MERTK: variants seen among roughly 807,000 people sequenced by gnomAD.
The protein encoded by MERTK is tyrosine-protein kinase Mer.
MERTK carries 69 observed loss-of-function variants against 99.3 expected under a neutral mutation model. That is an observed-to-expected ratio of 0.70 (90% CI 0.57 to 0.85). The LOEUF is 0.85. Ranked by LOEUF, MERTK falls within the 40% of genes least tolerant of loss-of-function variation. The pLI is 0.00. For synonymous variants in MERTK, 426 were observed against 467.6 expected, an observed-to-expected ratio of 0.91 and a Z score of 1.15; for missense variants, 1,125 against 1,249.4, an observed-to-expected ratio of 0.90 and a Z score of 1.50.
chr2:111,990,724 C>A (rs1243745713), intron 8 of MERTK, among the ~76,000 whole-genome samples: 1 of 152,152 alleles, frequency 6.6e-6, no homozygotes, highest in Non-Finnish European at 1.5e-5. Context: ...CATCCTAAAT[C>A]TCAACTTATT....
intron 4 of MERTK, among the ~76,000 whole-genome samples, chr2:111,948,808 T>C (rs1398447068): frequency 6.6e-6 from 1 of 152,092 alleles, no homozygotes; most frequent in Non-Finnish European, 1.5e-5. Flanking sequence ...CACTCCCAAC[T>C]ACCCTCCTGG....
intron 8 of MERTK, among the ~76,000 whole-genome samples, chr2:111,991,754 A>G (rs1011197463): frequency 4.0e-5 from 6 of 151,832 alleles, no homozygotes; most frequent in African/African-American, 1.5e-4. Context: ...TACACACACA[A>G]TATATATATA....
At chr2:112,014,021 A>AT (rs1279471792) in intron 15 of MERTK, among the ~76,000 whole-genome samples, 1,372 of 126,836 alleles carry the variant, frequency 0.011, 9 homozygotes, top group Non-Finnish European at 0.013. Flanking sequence ...TGCCTGGCTT[A>AT]TTTTTTTTTT....
At chr2:112,018,446 C>T (rs1309355955) in intron 15 of MERTK, among the ~76,000 whole-genome samples, 1 of 152,150 alleles carries the variant, frequency 6.6e-6, no homozygotes, top group African/African-American at 2.4e-5. Context: ...AAGATTAAGA[C>T]ATTTCATTTA....
chr2:111,900,648 G>T (rs1003605149), intron 1 of MERTK, among the ~76,000 whole-genome samples: 10 of 151,836 alleles, frequency 6.6e-5, no homozygotes, highest in Non-Finnish European at 1.3e-4. Context: ...TCATAAAAAG[G>T]CCTTTTAAAA....
intron 1 of MERTK, among the ~76,000 whole-genome samples, chr2:111,906,173 G>A (rs1447655040): frequency 3.3e-5 from 5 of 152,138 alleles, no homozygotes; most frequent in African/African-American, 7.2e-5. Flanking sequence ...TCCATCCTCC[G>A]GATTTAGATC....
Position 111,975,410 on chromosome 2 carries a change from G to T in MERTK, c.1082G>T (p.Cys361Phe), listed in dbSNP as rs1676226910. The T allele has an allele frequency of 6.2e-7, 1 of 1,614,066 alleles. No individual in the cohort carries two copies. The highest frequency in any genetic ancestry group is 8.5e-7 in the Non-Finnish European group (1 of 1,180,026). The change falls in exon 7 of 19, where the codon TGC becomes TTC. Residue 361 changes from cysteine (C) to phenylalanine (F), a missense_variant. Physicochemically the swap from Cys to Phe is radical, Grantham distance 205. Coordinates refer to ENST00000295408, the MANE Select transcript of MERTK (RefSeq NM_006343.3). ...ALANYSIGVS[C>F]MNEIGWSAVS... ...GCTAATTACAGCATTGGTGTTTCCT[G>T]CATGAATGAAATAGGCTGGTCTGCA...
chr2:111,960,480 C>CACAA (rs1685228224), intron 4 of MERTK, among the ~76,000 whole-genome samples: 1 of 75,948 alleles, frequency 1.3e-5, no homozygotes, highest in Admixed American at 1.5e-4. Flanking sequence ...GTCTCAGTCT[C>CACAA]AAAAAAAAAA....
chr2:111,949,450 T>A (rs1685016956), intron 4 of MERTK, among the ~76,000 whole-genome samples: 1 of 152,204 alleles, frequency 6.6e-6, no homozygotes, highest in Non-Finnish European at 1.5e-5. Flanking sequence ...AGGAGGAATG[T>A]TATGGTTTTC....
At chr2:111,974,769 CAAAAAAAAA>C (rs35594851) in intron 6 of MERTK, among the ~76,000 whole-genome samples, 6 of 53,376 alleles carry the variant, frequency 1.1e-4, no homozygotes, top group South Asian at 1.1e-3. Flanking sequence ...AGGTCCATCT[CAAAAAAAAA>C]AAAAAAAAAA....
rs1491353800 is a variant in MERTK, at chr2:111,964,369, G to GTT, written c.758-821_758-820insTT. On this transcript the variant is annotated intron_variant, in intron 4 of 18. Transcript: ENST00000295408. ...CTTTGACATGCCCCATCATTGTCTCGTGTGTGTGTGTGTGTGTGTGTGTGT... is the reference window on the plus strand; with the variant it reads ...CTTTGACATGCCCCATCATTGTCTCGTTTGTGTGTGTGTGTGTGTGTGTGTGT... 3.8e-3 allele frequency among the ~76,000 whole-genome samples: 57 copies of GTT among 15,192 alleles called. No individual in the cohort carries two copies. In the East Asian group the frequency reaches 0.13, roughly 36 times the overall value. 10.0% of individuals were successfully genotyped at this position (15,192 alleles called of 152,430 possible).
chr2:111,912,398 T>C (rs911953115), intron 1 of MERTK, among the ~76,000 whole-genome samples: 1 of 152,176 alleles, frequency 6.6e-6, no homozygotes, highest in African/African-American at 2.4e-5. Context: ...ATTGTGAGGT[T>C]TCCTTTGCCA....
chr2:112,007,322 T>G (rs550172733), intron 13 of MERTK, among the ~76,000 whole-genome samples: 1 of 152,230 alleles, frequency 6.6e-6, no homozygotes, highest in South Asian at 2.1e-4. Flanking sequence ...GCCCGCCTAA[T>G]TTTTTGTATT....
intron 1 of MERTK, among the ~76,000 whole-genome samples, chr2:111,915,041 T>G (rs1684325257): frequency 6.6e-6 from 1 of 152,196 alleles, no homozygotes; most frequent in South Asian, 2.1e-4. Flanking sequence ...TTCGGTAGTT[T>G]AAAAAATTAT....
intron 6 of MERTK, among the ~76,000 whole-genome samples, chr2:111,973,460 C>G (rs1029972506): frequency 3.3e-5 from 5 of 152,026 alleles, no homozygotes; most frequent in Non-Finnish European, 1.5e-5. Context: ...TGAAACTCAA[C>G]CCCCACACCG....
Position 112,028,531 on chromosome 2 carries a change from C to G in MERTK, c.2667C>G (p.Thr889=). Reference sequence around the variant, plus strand: ...CTGAGGGCCTGGCCCAGGGCTCCACCCTTGCTCCACTGGACTTGAACATCG... The same window carrying G: ...CTGAGGGCCTGGCCCAGGGCTCCACGCTTGCTCCACTGGACTTGAACATCG... The part of the protein sequence containing the change: ...ESSEGLAQGS[T]LAPLDLNIDP... Residue 889 remains threonine (T), a synonymous_variant, in exon 19 of 19, where the codon ACC becomes ACG. Coordinates refer to ENST00000295408, the MANE Select transcript of MERTK (RefSeq NM_006343.3). 1.2e-6 allele frequency: 2 copies of G among 1,614,188 alleles called. No individual in the cohort carries two copies. Among genetic ancestry groups the G allele is most frequent in the Non-Finnish European group, 1.7e-6 (2 of 1,180,034 alleles).
At chr2:111,963,967 A>C (rs971580664) in intron 4 of MERTK, among the ~76,000 whole-genome samples, 1 of 150,486 alleles carries the variant, frequency 6.6e-6, no homozygotes, top group Non-Finnish European at 1.5e-5. Context: ...CCAAGGGTAC[A>C]TTCTGTCAAC....
chr2:111,898,623 C>T lies in MERTK; in HGVS notation c.-113C>T. The T allele has an allele frequency of 1.5e-6, 2 of 1,335,802 alleles. No individual in the cohort carries two copies. The highest frequency in any genetic ancestry group is 1.3e-5 in the South Asian group (1 of 78,780). The allele number at this position is 1,335,802 out of a possible 1,614,324, so 82.7% of individuals were successfully genotyped here. A position where few individuals can be genotyped will look rare whatever the true frequency, so the allele number is the denominator to read the frequency against. On this transcript the variant is annotated 5_prime_UTR_variant, in exon 1 of 19. Coordinates refer to ENST00000295408, the MANE Select transcript of MERTK (RefSeq NM_006343.3). ...GGCTCCGCCACTCGGCACTCACTGC[C>T]CGGGCCGCCCGGACAGGGAGCTTCG...
At chr2:111,953,253 A>G (rs1263584482) in intron 4 of MERTK, among the ~76,000 whole-genome samples, 2 of 152,228 alleles carry the variant, frequency 1.3e-5, no homozygotes, top group African/African-American at 4.8e-5. Context: ...TAGAGTAGTG[A>G]CAAATGTGTC....
Sources: allele counts gnomAD v4.1 joint callset (sites outside exome capture counted in the v4.1 genomes callset), GRCh38; gene constraint gnomAD v4.1.1; transcripts MANE v1.5; gene names NCBI Gene and HGNC (gene_info 2026-07-23, HGNC 2026-07-21).